Variants in MARCHF1 observed in about 807,000 individuals in gnomAD.
MARCHF1 encodes E3 ubiquitin-protein ligase MARCHF1.
In MARCHF1, 40 loss-of-function variants were observed where a neutral mutation model predicts 54.2. The observed-to-expected ratio is 0.74, with a 90% CI of 0.57 to 0.96. MARCHF1 has a LOEUF of 0.96. Among genes scored for constraint, MARCHF1 ranks in the 40% least tolerant of loss-of-function variants. The probability of loss-of-function intolerance (pLI) is 0.00; values close to 1 mark genes in which losing one functional copy is unlikely to be tolerated. For synonymous variants in MARCHF1, 236 were observed against 236.3 expected (o/e 1.00, Z 0.01); for missense variants, 586 against 656.5 (o/e 0.89, Z 1.17).
At chr4:163,945,509 G>A (rs1752006699) in intron 3 of MARCHF1, among the ~76,000 whole-genome samples, 1 of 152,132 alleles carries the variant, frequency 6.6e-6, no homozygotes, top group Non-Finnish European at 1.5e-5. Context: ...AGTTAAGTTA[G>A]TAAAGAAAAA....
At chr4:163,957,698 C>T (rs990163089) in intron 3 of MARCHF1, among the ~76,000 whole-genome samples, 6 of 151,866 alleles carry the variant, frequency 4.0e-5, no homozygotes, top group East Asian at 1.9e-4. Flanking sequence ...GAATTTCTCA[C>T]GCCAAAAAAA....
intron 1 of MARCHF1, among the ~76,000 whole-genome samples, chr4:164,360,856 A>G (rs924578507): frequency 2.2e-4 from 33 of 152,072 alleles, no homozygotes; most frequent in Non-Finnish European, 4.9e-4. Flanking sequence ...GAATACCTGA[A>G]CCCATAATTG....
intron 8 of MARCHF1, among the ~76,000 whole-genome samples, chr4:163,574,186 T>A (rs1433958606): frequency 1.3e-5 from 2 of 152,154 alleles, no homozygotes; most frequent in East Asian, 3.8e-4. Context: ...TAAATTTGTT[T>A]GAGTTCATTG....
At position 164,100,347 on chromosome 4, in the gene MARCHF1, T is replaced by C. The variant is rs559574458; in HGVS notation, c.-248+11241A>G. On this transcript the variant is annotated intron_variant, in intron 2 of 9. Coordinates refer to ENST00000514618, the MANE Select transcript of MARCHF1 (RefSeq NM_001394959.1). Reference sequence around the variant, plus strand: ...TTTGCTTTTGACGGTATGTGGTATATCTCCAACACCTGTCCAAATCTTCTC... The same window carrying C: ...TTTGCTTTTGACGGTATGTGGTATACCTCCAACACCTGTCCAAATCTTCTC... Among the ~76,000 whole-genome samples, 4 of 152,346 alleles carry C rather than the reference T, an allele frequency of 2.6e-5. No individual in the cohort carries two copies. The East Asian group carries it at 7.7e-4, about 29-fold the overall frequency.
intron 5 of MARCHF1, among the ~76,000 whole-genome samples, chr4:163,661,875 T>C (rs1013577912): frequency 6.6e-6 from 1 of 152,120 alleles, no homozygotes; most frequent in African/African-American, 2.4e-5. Context: ...TTACATAGCG[T>C]AGGACAGACT....
At chr4:163,772,603 T>C (rs1424194191) in intron 4 of MARCHF1, among the ~76,000 whole-genome samples, 4 of 152,212 alleles carry the variant, frequency 2.6e-5, no homozygotes, top group Admixed American at 2.6e-4. Context: ...AGAGAATACC[T>C]ACAATCCTTG....
intron 4 of MARCHF1, among the ~76,000 whole-genome samples, chr4:163,812,518 G>A (rs138172170): frequency 0.034 from 5,164 of 152,160 alleles, 106 homozygotes; most frequent in East Asian, 0.074. Flanking sequence ...AGCACTTTGG[G>A]AAGTCAAGGC....
chr4:163,930,269 T>G (rs1751641668), intron 3 of MARCHF1, among the ~76,000 whole-genome samples: 1 of 151,316 alleles, frequency 6.6e-6, no homozygotes, highest in Admixed American at 6.6e-5. Context: ...TTTTCAAACC[T>G]TAGAAGTTCA....
chr4:164,210,158 A>G (rs1183702297), intron 1 of MARCHF1, among the ~76,000 whole-genome samples: 2 of 152,198 alleles, frequency 1.3e-5, no homozygotes, highest in East Asian at 3.8e-4. Context: ...ATTCACTGGA[A>G]AGAGGCAAAA....
intron 2 of MARCHF1, among the ~76,000 whole-genome samples, chr4:164,044,044 C>T (rs9994184): frequency 0.011 from 1,706 of 152,234 alleles, 39 homozygotes; most frequent in African/African-American, 0.039. Context: ...CAGCATTTTG[C>T]TCAAAACCAT....
At chr4:163,973,471 C>A (rs1752589399) in intron 3 of MARCHF1, among the ~76,000 whole-genome samples, 1 of 152,170 alleles carries the variant, frequency 6.6e-6, no homozygotes. Flanking sequence ...AGGGCAAATG[C>A]TAATTCACAA....
intron 4 of MARCHF1, among the ~76,000 whole-genome samples, chr4:163,805,632 C>A (rs115739815): frequency 2.0e-5 from 3 of 152,128 alleles, no homozygotes; most frequent in Non-Finnish European, 4.4e-5. Context: ...CAGGCTCCAA[C>A]GATAGGCCAT....
chr4:164,005,288 C>T (rs111322665), intron 2 of MARCHF1, among the ~76,000 whole-genome samples: 1,591 of 151,934 alleles, frequency 0.01, 32 homozygotes, highest in African/African-American at 0.036. Flanking sequence ...ATTTTAATAC[C>T]GCAATTAAAT....
intron 5 of MARCHF1, among the ~76,000 whole-genome samples, chr4:163,700,514 A>T (rs1744774642): frequency 7.2e-6 from 1 of 139,210 alleles, no homozygotes; most frequent in African/African-American, 2.8e-5. Flanking sequence ...AAAAAGATAG[A>T]TAGAAAGAAA....
At chr4:163,858,119 A>C (rs767648638) in intron 3 of MARCHF1, among the ~76,000 whole-genome samples, 1 of 150,810 alleles carries the variant, frequency 6.6e-6, no homozygotes, top group Admixed American at 6.7e-5. Flanking sequence ...GGGGGGCATC[A>C]TCCACATTGC....
chr4:163,612,935 G>T lies in MARCHF1; in HGVS notation c.346C>A (p.Gln116Lys). Reference protein sequence around the residue: ...RKESGKKSVIQRPRRRRKASE... With the variant: ...RKESGKKSVIKRPRRRRKASE... ...GCTTTTCTCCTCCTCCTAGGTCTTT[G>T]TATTACTGATTTCTTACCAGACTCC... is the stretch of plus-strand genomic sequence containing the variant. The change falls in exon 7 of 10, where the codon CAA (glutamine) becomes AAA (lysine). Residue 116 changes from glutamine to lysine, a missense_variant. By Grantham distance (53) the Gln-to-Lys change is moderately conservative (BLOSUM62 1). Transcript: ENST00000514618. 2 of 1,535,168 alleles carry T rather than the reference G, an allele frequency of 1.3e-6. No homozygotes were observed. The highest frequency in any genetic ancestry group is 1.7e-6 in the Non-Finnish European group (2 of 1,146,414).
intron 1 of MARCHF1, among the ~76,000 whole-genome samples, chr4:164,255,390 T>A (rs1436814475): frequency 2.1e-4 from 28 of 132,092 alleles, no homozygotes; most frequent in South Asian, 4.9e-4. Context: ...GCAAGAAAGA[T>A]AAAAAAAAAA....
At chr4:163,853,976 T>C in intron 4 of MARCHF1, 45 bp downstream of exon 4, 1 of 1,516,460 alleles carries the variant, frequency 6.6e-7, no homozygotes. Context: ...TTTAGCATTC[T>C]ATTTACATAT....
intron 3 of MARCHF1, among the ~76,000 whole-genome samples, chr4:163,877,610 C>T (rs2111234544): frequency 6.6e-6 from 1 of 152,130 alleles, no homozygotes; most frequent in South Asian, 2.1e-4. Flanking sequence ...TCTCCAAATC[C>T]CCATTCAACA....
Sources: gnomAD v4.1 joint callset for allele counts (sites outside exome capture counted in the v4.1 genomes callset) on GRCh38, gnomAD v4.1.1 for gene constraint, MANE v1.5 for transcripts, NCBI Gene and HGNC (gene_info 2026-07-23, HGNC 2026-07-21) for gene names.